The following LPL variants were observed in gnomAD, a reference collection of about 807,000 sequenced individuals.
The protein encoded by LPL is lipoprotein lipase, also known as phospholipase A1.
LPL carries 43 observed loss-of-function variants against 52.2 expected under a neutral mutation model. The observed-to-expected ratio is 0.82, with a 90% CI of 0.64 to 1.06. The LOEUF (loss-of-function observed/expected upper bound fraction) is 1.06. Among genes scored for constraint, LPL ranks in the 50% least tolerant of loss-of-function variants. The pLI is 0.00. For missense variants in LPL, 639 were observed against 585.3 expected (o/e 1.09, Z -0.95); for synonymous variants, 244 against 215.6 (o/e 1.13, Z -1.15).
In LPL at chr8:19,956,101, G is replaced by T. The variant is rs777846108; in HGVS notation, c.1018+18G>T. On this transcript the variant is annotated intron_variant, in intron 6 of 9. Coordinates refer to ENST00000650287, the MANE Select transcript of LPL (RefSeq NM_000237.3). ...CTACAAAGGTAGGCTGGAGACTGTT[G>T]TAAATAAGGAAACCAAGGAGTCCTA... 1 of 1,613,944 alleles carries T rather than the reference G, an allele frequency of 6.2e-7. No individual in the cohort carries two copies. The highest frequency in any genetic ancestry group is 8.5e-7 in the Non-Finnish European group (1 of 1,180,004).
intron 2 of LPL, 109 bp downstream of exon 2, chr8:19,948,449 G>T: frequency 1.6e-6 from 2 of 1,270,500 alleles, no homozygotes. Flanking sequence ...ATCTCACGTG[G>T]ATCTCCTTAC....
intron 1 of LPL, among the ~76,000 whole-genome samples, chr8:19,941,401 G>C (rs2069837834): frequency 6.6e-6 from 1 of 152,170 alleles, no homozygotes; most frequent in Non-Finnish European, 1.5e-5. Context: ...CTCCCTTACA[G>C]GTTCAAGATC....
At position 19,948,356 on chromosome 8, in the gene LPL, T is replaced by C. The variant is rs2128837042; in HGVS notation, c.249+16T>C. On this transcript the variant is annotated intron_variant, in intron 2 of 9. Transcript: ENST00000650287. Reference sequence around the variant, plus strand: ...TGGCTGGACGGTAAGGGAGGCTCTTTGGGGAAGAGTGGATTGGGGTGGTGA... The same window carrying C: ...TGGCTGGACGGTAAGGGAGGCTCTTCGGGGAAGAGTGGATTGGGGTGGTGA... The C allele has an allele frequency of 3.1e-6, 5 of 1,613,384 alleles. No homozygotes were observed. The highest frequency in any genetic ancestry group is 4.2e-6 in the Non-Finnish European group (5 of 1,179,490).
intron 7 of LPL, 135 bp from the exon 8 acceptor site, chr8:19,960,763 CTTT>C: frequency 1.5e-6 from 1 of 670,582 alleles, no homozygotes; most frequent in South Asian, 1.8e-5. Flanking sequence ...ATTTTGAGTT[CTTT>C]GTTGGACATT....
rs1464178666 is a variant in LPL at position 19,956,091 on chromosome 8, G to A, written c.1018+8G>A. 2 of 1,614,066 alleles carry A rather than the reference G, an allele frequency of 1.2e-6. No homozygotes were observed. The highest frequency in any genetic ancestry group is 1.3e-5 in the African/African-American group (1 of 75,042). On this transcript the variant is annotated splice_region_variant and intron_variant, in intron 6 of 9. Coordinates refer to ENST00000650287, the MANE Select transcript of LPL (RefSeq NM_000237.3). The stretch of plus-strand genomic sequence containing the variant: ...CTCAGATGCCCTACAAAGGTAGGCT[G>A]GAGACTGTTGTAAATAAGGAAACCA...
At chr8:19,958,124 T>C (rs2070003881) in intron 6 of LPL, among the ~76,000 whole-genome samples, 1 of 151,996 alleles carries the variant, frequency 6.6e-6, no homozygotes, top group South Asian at 2.1e-4. Flanking sequence ...GTTCAAGCGA[T>C]TCTCCTGCCT....
chr8:19,940,087 G>C (rs1314231477), intron 1 of LPL, among the ~76,000 whole-genome samples: 2 of 152,226 alleles, frequency 1.3e-5, no homozygotes, highest in Non-Finnish European at 2.9e-5. Flanking sequence ...CCCTCGGCGG[G>C]GCCCCTCGCT....
chr8:19,948,158 A>T (rs1219803019), intron 1 of LPL, 22 bp from the exon 2 acceptor site: 1 of 1,612,944 alleles, frequency 6.2e-7, no homozygotes, highest in Non-Finnish European at 8.5e-7. Flanking sequence ...AGTTAACCTC[A>T]TATCCAATTT....
Position 19,954,295 on chromosome 8 carries a change from T to C in LPL, c.717T>C (p.Phe239=), listed in dbSNP as rs760836457. ...ACATTTACCCGAATGGAGGTACTTT[T>C]CAGCCAGGATGTAACATTGGAGAAG... ...HVDIYPNGGT[F]QPGCNIGEAI... Residue 239 remains phenylalanine (F), a synonymous_variant, in exon 5 of 10, where the codon TTT becomes TTC. Coordinates refer to ENST00000650287, the MANE Select transcript of LPL (RefSeq NM_000237.3). 7 of 1,614,164 alleles carry C rather than the reference T, an allele frequency of 4.3e-6. No homozygotes were observed. The highest frequency in any genetic ancestry group is 5.9e-6 in the Non-Finnish European group (7 of 1,180,026).
Position 19,953,376 on chromosome 8 carries a change from G to C in LPL, c.496G>C (p.Gly166Arg). The C allele has an allele frequency of 6.2e-7, 1 of 1,614,014 alleles. No individual in the cohort carries two copies. The highest frequency in any genetic ancestry group is 2.2e-5 in the East Asian group (1 of 44,880). Residue 166 changes from glycine to arginine, a missense_variant, in exon 4 of 10, where the codon GGC (glycine) becomes CGC (arginine). By Grantham distance (125) the Gly-to-Arg change is moderately radical. Transcript: ENST00000650287. ...LGYSLGAHAA[G>R]IAGSLTNKKV... is the part of the protein sequence containing the mutation. ...ATACAGCCTTGGAGCCCATGCTGCT[G>C]GCATTGCAGGAAGTCTGACCAATAA... is the stretch of plus-strand genomic sequence containing the variant.
Position 19,944,640 on chromosome 8 carries a change from C to T in LPL, c.89-3540C>T, listed in dbSNP as rs910582634. Reference sequence around the variant, plus strand: ...ATGCTCAACACTTCCCTCTTTCTAGCAACAAGAATTACCACTCTTCCCCTC... The same window carrying T: ...ATGCTCAACACTTCCCTCTTTCTAGTAACAAGAATTACCACTCTTCCCCTC... On this transcript the variant is annotated intron_variant, in intron 1 of 9. Coordinates refer to ENST00000650287, the MANE Select transcript of LPL (RefSeq NM_000237.3). This position sits in a 1 kb window ranked among gnomAD's most constrained non-coding sequence, Gnocchi z 4.2. Among the ~76,000 whole-genome samples, 2 of 152,156 alleles carry T rather than the reference C, an allele frequency of 1.3e-5. No individual in the cohort carries two copies. The highest frequency in any genetic ancestry group is 6.5e-5 in the Admixed American group (1 of 15,284).
At chr8:19,956,342 T>A (rs2069985709) in intron 6 of LPL, among the ~76,000 whole-genome samples, 1 of 152,214 alleles carries the variant, frequency 6.6e-6, no homozygotes, top group African/African-American at 2.4e-5. Context: ...AATGTGGCCA[T>A]TAGCATGGGC....
rs1038150996 is a variant in LPL, at chr8:19,939,802, G to A, written c.88+274G>A. ...TCCCTTCCACTCTGGCTGGGACCGC[G>A]TTCCCGGGCTCGCAGGCTCCGCCGG... On this transcript the variant is annotated intron_variant, in intron 1 of 9. Coordinates refer to ENST00000650287, the MANE Select transcript of LPL (RefSeq NM_000237.3). The surrounding 1 kb of genome is among the most constrained non-coding windows in gnomAD (Gnocchi z 4.0). 2.6e-5 allele frequency among the ~76,000 whole-genome samples: 4 copies of A among 152,228 alleles called. No homozygotes were observed. Among genetic ancestry groups the A allele is most frequent in the Non-Finnish European group, 4.4e-5 (3 of 68,036 alleles).
Position 19,950,723 on chromosome 8 carries a change from G to A in LPL, c.250-1046G>A, listed in dbSNP as rs2069926275. Reference sequence around the variant, plus strand: ...GGAGGCTGAGGCAGGAGAATCGCTTGAACCAAGGAGGCGGAGGTTGCACTG... The same window carrying A: ...GGAGGCTGAGGCAGGAGAATCGCTTAAACCAAGGAGGCGGAGGTTGCACTG... On this transcript the variant is annotated intron_variant, in intron 2 of 9. Transcript: ENST00000650287. The surrounding 1 kb of genome is among the most constrained non-coding windows in gnomAD (Gnocchi z 4.2). 6.6e-6 allele frequency among the ~76,000 whole-genome samples: 1 copy of A among 152,162 alleles called. No homozygotes were observed. Among genetic ancestry groups the A allele is most frequent in the Non-Finnish European group, 1.5e-5 (1 of 68,032 alleles).
chr8:19,959,520 TTCCTC>T, intron 7 of LPL, 140 bp downstream of exon 7: 1 of 1,078,444 alleles, frequency 9.3e-7, no homozygotes, highest in Non-Finnish European at 1.3e-6. Flanking sequence ...ATTGAGGTCT[TTCCTC>T]TATTTGATAT....
Position 19,939,276 on chromosome 8 carries a change from C to G in LPL, c.-165C>G. The G allele has an allele frequency of 1.6e-6, 1 of 631,684 alleles. No individual in the cohort carries two copies. Among genetic ancestry groups the G allele is most frequent in the Admixed American group, 2.6e-5 (1 of 38,700 alleles). 39.1% of individuals were successfully genotyped at this position (631,684 alleles called of 1,614,324 possible). ...GTGTCAGACTCGATTCCCCCTCTTC[C>G]TCCTCCTCAAGGGAAAGCTGCCCAC... On this transcript the variant is annotated 5_prime_UTR_variant, in exon 1 of 10. Transcript: ENST00000650287. This position sits in a 1 kb window ranked among gnomAD's most constrained non-coding sequence, Gnocchi z 4.0.
At chr8:19,948,154 C>A in intron 1 of LPL, 26 bp from the exon 2 acceptor site, 1 of 1,611,734 alleles carries the variant, frequency 6.2e-7, no homozygotes, top group Non-Finnish European at 8.5e-7. Context: ...CTCCAGTTAA[C>A]CTCATATCCA....
At chr8:19,942,070 C>T (rs1200790629) in intron 1 of LPL, among the ~76,000 whole-genome samples, 1 of 152,066 alleles carries the variant, frequency 6.6e-6, no homozygotes, top group Admixed American at 6.6e-5. Context: ...GAGAGCTCAG[C>T]GAGGGAGTGA....
At position 19,950,552 on chromosome 8, in the gene LPL, C is replaced by T. The variant is rs899754528; in HGVS notation, c.250-1217C>T. On this transcript the variant is annotated intron_variant, in intron 2 of 9. Transcript: ENST00000650287. The surrounding 1 kb of genome is among the most constrained non-coding windows in gnomAD (Gnocchi z 4.2). ...CGGTGGCTCATGCCTGTGATCCCAGCACTCTGGGAGGCCAAGGCAGGCAGA... is the reference window on the plus strand; with the variant it reads ...CGGTGGCTCATGCCTGTGATCCCAGTACTCTGGGAGGCCAAGGCAGGCAGA... Among the ~76,000 whole-genome samples, 1 of 152,216 alleles carries T rather than the reference C, an allele frequency of 6.6e-6. No homozygotes were observed. The highest frequency in any genetic ancestry group is 1.5e-5 in the Non-Finnish European group (1 of 68,040).
Sources: allele counts gnomAD v4.1 joint callset (sites outside exome capture counted in the v4.1 genomes callset), GRCh38; gene constraint gnomAD v4.1.1; non-coding constraint Gnocchi (gnomAD v3.1); transcripts MANE v1.5; gene names NCBI Gene and HGNC (gene_info 2026-07-23, HGNC 2026-07-21).